YIF1B: variants seen among roughly 807,000 people sequenced by gnomAD.
YIF1B encodes protein YIF1B.
Under a neutral mutation model 34.6 loss-of-function variants are expected in YIF1B, and 24 were observed. The ratio of observed to expected loss-of-function variants is 0.69; its 90% CI spans 0.50 to 0.98. The LOEUF is 0.98. Ranked by LOEUF, YIF1B falls within the 50% of genes least tolerant of loss-of-function variation. The pLI, the probability that YIF1B is intolerant of heterozygous loss-of-function variation, is 0.00. For synonymous variants in YIF1B, 186 were observed against 184.8 expected, an observed-to-expected ratio of 1.01 and a Z score of -0.05; for missense variants, 368 against 429.4, an observed-to-expected ratio of 0.86 and a Z score of 1.26.
intron 1 of YIF1B, among the ~76,000 whole-genome samples, chr19:38,314,662 C>T (rs1002560889): frequency 4.7e-5 from 6 of 127,832 alleles, no homozygotes; most frequent in African/African-American, 1.2e-4. Context: ...CTTGCTCTGT[C>T]GCCCAGGCTG....
At chr19:38,319,752 C>T (rs34614180), upstream of YIF1B, 25,131 of 537,360 alleles carry the variant, frequency 0.047, 750 homozygotes, top group East Asian at 0.1. Flanking sequence ...GAACACCTGG[C>T]GGTTGGGCGT....
chr19:38,316,057 C>T (rs1211232261), upstream of YIF1B: 2 of 1,247,188 alleles, frequency 1.6e-6, no homozygotes, highest in East Asian at 3.2e-5. Context: ...CCCTCCAGCC[C>T]CCCCCTTCAC....
rs1161429791 is a variant in YIF1B, at chr19:38,304,480, C to T, written c.*872G>A. ...GGCCGGTCGGAGGCAGGGGCAGGTC[C>T]GGGTCCAAAGGTAAGTCGCCTCATC... On this transcript the variant is annotated 3_prime_UTR_variant, in exon 8 of 8. Transcript: ENST00000339413. 7.1e-6 allele frequency: 11 copies of T among 1,555,584 alleles called. No individual in the cohort carries two copies. Among genetic ancestry groups the T allele is most frequent in the African/African-American group, 1.4e-5 (1 of 73,422 alleles).
At chr19:38,317,379 G>A (rs1341838204), upstream of YIF1B, 2 of 152,200 alleles carry the variant, frequency 1.3e-5, no homozygotes, top group Admixed American at 6.5e-5. Flanking sequence ...GAGACCTTAA[G>A]GGCTGCTCCT....
chr19:38,304,036 A>C lies in YIF1B; in HGVS notation c.*1316T>G. 1.6e-6 allele frequency: 1 copy of C among 611,374 alleles called. No homozygotes were observed. The allele number at this position is 611,374 out of a possible 1,614,324, so 37.9% of individuals were successfully genotyped here. ...AGCCCCCCTCAGTCGGCCTCCCCTG[A>C]GGCACCAAGGCTGGCGGAAGCAGTC... On this transcript the variant is annotated 3_prime_UTR_variant, in exon 8 of 8. Coordinates refer to ENST00000339413, the MANE Select transcript of YIF1B (RefSeq NM_001039672.3).
At chr19:38,305,552 C>G (rs763265295) in intron 7 of YIF1B, 45 bp from the exon 8 acceptor site, 104 of 1,562,350 alleles carry the variant, frequency 6.7e-5, no homozygotes, top group Non-Finnish European at 8.8e-5. Context: ...TACCCTTGAG[C>G]CCTCTGGGCC....
chr19:38,320,915 C>T (rs1321465240), upstream of YIF1B, among the ~76,000 whole-genome samples: 2 of 152,094 alleles, frequency 1.3e-5, no homozygotes, highest in African/African-American at 4.8e-5. Flanking sequence ...CCCCTCTAAG[C>T]CTAGGACTGT....
rs1463415872 is a variant in YIF1B at position 38,303,931 on chromosome 19, C to T, written c.*1421G>A. On this transcript the variant is annotated 3_prime_UTR_variant, in exon 8 of 8. Transcript: ENST00000339413. Reference sequence around the variant, plus strand: ...TGTATTGTCGCGGTACGCAGGAAGGCAGGGGCAGCACCTCCCTCTTCAAGA... The same window carrying T: ...TGTATTGTCGCGGTACGCAGGAAGGTAGGGGCAGCACCTCCCTCTTCAAGA... Among the ~76,000 whole-genome samples the T allele has an allele frequency of 6.6e-6, 1 of 152,238 alleles. No individual in the cohort carries two copies. The highest frequency in any genetic ancestry group is 1.5e-5 in the Non-Finnish European group (1 of 68,046).
In YIF1B at chr19:38,304,467, G is replaced by C; in HGVS notation, c.*885C>G. On this transcript the variant is annotated 3_prime_UTR_variant, in exon 8 of 8. Transcript: ENST00000339413. ...CCACAAAGTTCAGGGCCGGTCGGAG[G>C]CAGGGGCAGGTCCGGGTCCAAAGGT... 6.4e-7 allele frequency: 1 copy of C among 1,555,660 alleles called. No individual in the cohort carries two copies. The highest frequency in any genetic ancestry group is 8.7e-7 in the Non-Finnish European group (1 of 1,150,080).
chr19:38,307,840 G>A, intron 5 of YIF1B, 88 bp from the exon 6 acceptor site: 2 of 1,528,508 alleles, frequency 1.3e-6, no homozygotes, highest in Non-Finnish European at 1.8e-6. Context: ...TGTTGGGTAG[G>A]GCTGGACACC....
At position 38,304,995 on chromosome 19, in the gene YIF1B, C is replaced by A; in HGVS notation, c.*357G>T. 6.4e-7 allele frequency: 1 copy of A among 1,571,204 alleles called. No individual in the cohort carries two copies. Reference sequence around the variant, plus strand: ...CCTGGACAGGGCTCATTAAACCTTCCTCTCTGCCTTCTGCGACTGGTCAGC... The same window carrying A: ...CCTGGACAGGGCTCATTAAACCTTCATCTCTGCCTTCTGCGACTGGTCAGC... On this transcript the variant is annotated 3_prime_UTR_variant, in exon 8 of 8. Transcript: ENST00000339413.
Position 38,315,909 on chromosome 19 carries a change from C to T in YIF1B, c.9G>A (p.Pro3=), listed in dbSNP as rs1021665084. 2.7e-6 allele frequency: 4 copies of T among 1,473,402 alleles called. No individual in the cohort carries two copies. Among genetic ancestry groups the T allele is most frequent in the East Asian group, 5.7e-5 (2 of 34,804 alleles). The allele number at this position is 1,473,402 out of a possible 1,614,324, so 91.3% of individuals were successfully genotyped here. A position where few individuals can be genotyped will look rare whatever the true frequency, so the allele number is the denominator to read the frequency against. Residue 3 remains proline, a synonymous_variant, in exon 1 of 8, where the codon CCG becomes CCA. Coordinates refer to ENST00000339413, the MANE Select transcript of YIF1B (RefSeq NM_001039672.3). MH[P]AGLAAAAAGT... is the part of the protein sequence containing the mutation. The stretch of plus-strand genomic sequence containing the variant: ...CCGCAGCCGCCGCCGCCAAGCCTGC[C>T]GGGTGCATCCTTCGCCGCCGCCACC...
intron 1 of YIF1B, chr19:38,315,481 A>G: frequency 7.2e-7 from 1 of 1,393,100 alleles, no homozygotes; most frequent in Non-Finnish European, 9.3e-7. Flanking sequence ...CGCTTCTTAA[A>G]TGAGCGGTAG....
At chr19:38,320,362 C>G, upstream of YIF1B, 1 of 1,361,268 alleles carries the variant, frequency 7.3e-7, no homozygotes, top group African/African-American at 1.5e-5. Flanking sequence ...TCACGAATAC[C>G]CTTATCCCAA....
At chr19:38,313,403 C>T (rs192029022) in intron 1 of YIF1B, among the ~76,000 whole-genome samples, 13 of 152,048 alleles carry the variant, frequency 8.5e-5, no homozygotes, top group African/African-American at 1.9e-4. Flanking sequence ...GGACTACAGA[C>T]GCCCACCACC....
chr19:38,315,983 G>A, upstream of YIF1B: 1 of 1,367,500 alleles, frequency 7.3e-7, no homozygotes, highest in South Asian at 1.7e-5. Flanking sequence ...CCCACGCCCC[G>A]CCGGCGAAGA....
chr19:38,307,174 A>T (rs1969086810), intron 7 of YIF1B: 1 of 543,114 alleles, frequency 1.8e-6, no homozygotes, highest in Non-Finnish European at 3.4e-6. Flanking sequence ...TGAGAGTGAG[A>T]GCCCAGCCTG....
chr19:38,309,941 CATCT>C (rs1460221838), intron 1 of YIF1B: 12 of 818,132 alleles, frequency 1.5e-5, no homozygotes, highest in Non-Finnish European at 2.1e-5. Context: ...CCCATCCATC[CATCT>C]ATCCATCTAA....
chr19:38,311,934 T>C (rs986039742), intron 1 of YIF1B, among the ~76,000 whole-genome samples: 97 of 140,996 alleles, frequency 6.9e-4, no homozygotes, highest in African/African-American at 2.5e-3. Context: ...CCATCTCTAC[T>C]AAAAATACAA....
Sources: allele counts gnomAD v4.1 joint callset (sites outside exome capture counted in the v4.1 genomes callset), GRCh38; gene constraint gnomAD v4.1.1; transcripts MANE v1.5; gene names NCBI Gene and HGNC (gene_info 2026-07-23, HGNC 2026-07-21).